Variants in CORO2B observed in about 807,000 individuals in gnomAD.
The protein encoded by CORO2B is coronin 2B.
Under a neutral mutation model 58.8 loss-of-function variants are expected in CORO2B, and 26 were observed. That is an observed-to-expected ratio of 0.44 (90% CI 0.32 to 0.61). The LOEUF (loss-of-function observed/expected upper bound fraction) is 0.61. Among genes scored for constraint, CORO2B ranks in the 20% least tolerant of loss-of-function variants. The pLI is 0.04. For missense variants in CORO2B, 460 were observed against 645.1 expected (o/e 0.71, Z 3.11); for synonymous variants, 242 against 253.8 (o/e 0.95, Z 0.44).
chr15:68,605,722 T>G lies in CORO2B; in HGVS notation c.15+26445T>G, dbSNP rs1474789005. 4.7e-5 allele frequency among the ~76,000 whole-genome samples: 6 copies of G among 128,720 alleles called. No homozygotes were observed. The South Asian group carries it at 1.2e-3, about 25-fold the overall frequency. 84.4% of individuals were successfully genotyped at this position (128,720 alleles called of 152,430 possible). ...CAGAGGGCTCTTGGGTTTTTTTTTT[T>G]TTTTTTTTTTTTTTTTTTGAGATGG... On this transcript the variant is annotated intron_variant, in intron 1 of 11. Transcript: ENST00000261861.
chr15:68,571,780 C>G, the CORO2B span, among the ~76,000 whole-genome samples: 1 of 152,186 alleles, frequency 6.6e-6, no homozygotes, highest in Non-Finnish European at 1.5e-5. Context: ...CATCTTTGAT[C>G]AAGAAGAGAC....
chr15:68,548,170 T>TAAAA, the CORO2B span, among the ~76,000 whole-genome samples: 4 of 94,384 alleles, frequency 4.2e-5, no homozygotes, highest in African/African-American at 1.2e-4. Flanking sequence ...GATTCCATCT[T>TAAAA]AAAAATATAT....
intron 2 of CORO2B, among the ~76,000 whole-genome samples, chr15:68,656,503 T>C (rs1226278786): frequency 6.6e-6 from 1 of 152,044 alleles, no homozygotes; most frequent in Admixed American, 6.6e-5. Context: ...AGACACTTGG[T>C]CAAGGTTGCA....
At chr15:68,684,969 A>C (rs537610358) in intron 2 of CORO2B, among the ~76,000 whole-genome samples, 1 of 152,194 alleles carries the variant, frequency 6.6e-6, no homozygotes, top group Non-Finnish European at 1.5e-5. Flanking sequence ...ACCTAATCAG[A>C]TGGTCTGGAA....
chr15:68,686,059 C>T (rs1388229510), intron 2 of CORO2B, among the ~76,000 whole-genome samples: 8 of 100,546 alleles, frequency 8.0e-5, no homozygotes, highest in African/African-American at 2.2e-4. Flanking sequence ...TTTTTTGAGA[C>T]GGAGTTTTAC....
the CORO2B span, among the ~76,000 whole-genome samples, chr15:68,559,245 C>A: frequency 6.6e-6 from 1 of 152,040 alleles, no homozygotes; most frequent in South Asian, 2.1e-4. The surrounding 1 kb of genome is among the most constrained non-coding windows in gnomAD (Gnocchi z 4.3). Context: ...CTTTGTTTTG[C>A]AAAGAGCATT....
At chr15:68,610,893 C>G (rs1271349771) in intron 1 of CORO2B, among the ~76,000 whole-genome samples, 1 of 152,178 alleles carries the variant, frequency 6.6e-6, no homozygotes, top group African/African-American at 2.4e-5. Context: ...AACTAACACC[C>G]AGAACTGATG....
chr15:68,578,983 C>G (rs1017644177), upstream of CORO2B: 67 of 974,894 alleles, frequency 6.9e-5, no homozygotes, highest in Non-Finnish European at 8.0e-5. The surrounding 1 kb of genome is among the most constrained non-coding windows in gnomAD (Gnocchi z 4.2). Flanking sequence ...CCCTCTCCCT[C>G]TCTCCCTTTC....
rs1901393867 is a variant in CORO2B, at chr15:68,645,451, T to G, written c.216+91T>G. The G allele has an allele frequency of 8.1e-7, 1 of 1,231,226 alleles. No individual in the cohort carries two copies. Among genetic ancestry groups the G allele is most frequent in the Non-Finnish European group, 1.1e-6 (1 of 883,872 alleles). 76.3% of individuals were successfully genotyped at this position (1,231,226 alleles called of 1,614,324 possible). On this transcript the variant is annotated intron_variant, in intron 2 of 11. Transcript: ENST00000261861. The surrounding 1 kb of genome is among the most constrained non-coding windows in gnomAD (Gnocchi z 4.5). ...CTTAGGCCTGTTGACCCTACTTCTC[T>G]CTGAGTTCCCACCTTTTACTTCCTC...
intron 1 of CORO2B, 49 bp downstream of exon 1, chr15:68,579,326 C>T: frequency 7.9e-7 from 1 of 1,261,308 alleles, no homozygotes; most frequent in Non-Finnish European, 1.0e-6. Flanking sequence ...CGCCTGCATC[C>T]CCCGGGCTAG....
At chr15:68,592,262 A>T (rs867394132) in intron 1 of CORO2B, among the ~76,000 whole-genome samples, 1 of 152,164 alleles carries the variant, frequency 6.6e-6, no homozygotes, top group East Asian at 1.9e-4. Flanking sequence ...ATTGTCATAC[A>T]TGTGGTGTAA....
At chr15:68,712,932 A>T (rs530107677) in intron 5 of CORO2B, among the ~76,000 whole-genome samples, 1 of 152,272 alleles carries the variant, frequency 6.6e-6, no homozygotes, top group Admixed American at 6.5e-5. Flanking sequence ...GAGCCCAGGG[A>T]AGGTGAAGGT....
In CORO2B at chr15:68,579,201, G is replaced by GGGC; in HGVS notation, c.-61_-59dup. 1.0e-6 allele frequency: 1 copy of GGGC among 991,896 alleles called. No homozygotes were observed. Among genetic ancestry groups the GGGC allele is most frequent in the Non-Finnish European group, 1.2e-6 (1 of 835,102 alleles). The allele number at this position is 991,896 out of a possible 1,614,324, so 61.4% of individuals were successfully genotyped here. A position where few individuals can be genotyped will look rare whatever the true frequency, so the allele number is the denominator to read the frequency against. ...CCGGACCCCCTTCCGCCGCCGCCCC[G>GGGC]GGCCGCCGCCGCCGCCCCCGCACGC... On this transcript the variant is annotated 5_prime_UTR_variant, in exon 1 of 12. Transcript: ENST00000261861.
chr15:68,541,997 A>T, the CORO2B span, among the ~76,000 whole-genome samples: 2 of 151,918 alleles, frequency 1.3e-5, no homozygotes, highest in African/African-American at 4.8e-5. Context: ...TGGCCTGGAA[A>T]CTCTCTCAAG....
chr15:68,606,889 G>A (rs547987167), intron 1 of CORO2B, among the ~76,000 whole-genome samples: 16 of 152,272 alleles, frequency 1.1e-4, no homozygotes, highest in East Asian at 5.8e-4. Flanking sequence ...CAGGCACTTC[G>A]TAGGTGCTCA....
intron 2 of CORO2B, among the ~76,000 whole-genome samples, chr15:68,658,071 TC>T (rs906388486): frequency 6.6e-6 from 1 of 152,252 alleles, no homozygotes; most frequent in Non-Finnish European, 1.5e-5. Flanking sequence ...TCTGCCTGGT[TC>T]TTTGTAACCT....
rs1192260415 is a variant in CORO2B at position 68,691,327 on chromosome 15, C to CAAAAAAAAAAA, written c.217-3807_217-3797dup. Among the ~76,000 whole-genome samples, 29 of 9,540 alleles carry CAAAAAAAAAAA rather than the reference C, an allele frequency of 3.0e-3. 3 individuals carry two copies. The highest frequency in any genetic ancestry group is 5.1e-3 in the Non-Finnish European group (16 of 3,140). The allele number at this position is 9,540 out of a possible 152,430, so 6.3% of individuals were successfully genotyped here. A position where few individuals can be genotyped will look rare whatever the true frequency, so the allele number is the denominator to read the frequency against. ...CCTGGGAGACAGCGAGACTCCGTCT[C>CAAAAAAAAAAA]AAAAAAAAAAAAAAAAGGCCGGGCG... On this transcript the variant is annotated intron_variant, in intron 2 of 11. Coordinates refer to ENST00000261861, the MANE Select transcript of CORO2B (RefSeq NM_006091.5).
chr15:68,652,364 G>A (rs1275299407), intron 2 of CORO2B, among the ~76,000 whole-genome samples: 2 of 152,176 alleles, frequency 1.3e-5, no homozygotes, highest in African/African-American at 4.8e-5. Flanking sequence ...ATATTCCAGA[G>A]AGCAGGCACT....
the CORO2B span, among the ~76,000 whole-genome samples, chr15:68,523,915 A>C: frequency 6.6e-6 from 1 of 152,150 alleles, no homozygotes; most frequent in Non-Finnish European, 1.5e-5. Flanking sequence ...CAATTCTTCA[A>C]AGATATTTTT....
Sources: allele counts gnomAD v4.1 joint callset (sites outside exome capture counted in the v4.1 genomes callset), GRCh38; gene constraint gnomAD v4.1.1; non-coding constraint Gnocchi (gnomAD v3.1); transcripts MANE v1.5; gene names NCBI Gene and HGNC (gene_info 2026-07-23, HGNC 2026-07-21).